CRY1: variants seen among roughly 807,000 people sequenced by gnomAD.
CRY1 encodes the protein cryptochrome-1.
CRY1 carries 45 observed loss-of-function variants against 76.0 expected under a neutral mutation model. The ratio of observed to expected loss-of-function variants is 0.59; its 90% confidence interval spans 0.47 to 0.76. CRY1 has a LOEUF of 0.76. Among genes scored for constraint, CRY1 ranks in the 30% least tolerant of loss-of-function variants. CRY1 has a pLI of 0.00. For synonymous variants in CRY1, 248 were observed against 244.0 expected, an observed-to-expected ratio of 1.02 and a Z score of -0.15; for missense variants, 587 against 716.4, an observed-to-expected ratio of 0.82 and a Z score of 2.06.
rs533658104 is a variant in CRY1 at position 107,002,577 on chromosome 12, C to A, written c.411-629G>T. Among the ~76,000 whole-genome samples the A allele has an allele frequency of 9.9e-5, 15 of 152,252 alleles. No individual in the cohort carries two copies. In the East Asian group the frequency reaches 2.5e-3, roughly 25 times the overall value. ...TTTGATTAAAATTCCAAATAAAATACAATTTTATTAACTAAAATCCTTACT... is the reference window on the plus strand; with the variant it reads ...TTTGATTAAAATTCCAAATAAAATAAAATTTTATTAACTAAAATCCTTACT... On this transcript the variant is annotated intron_variant, in intron 3 of 12. Transcript: ENST00000008527.
intron 10 of CRY1, among the ~76,000 whole-genome samples, chr12:106,994,458 A>T (rs555949972): frequency 1.3e-5 from 2 of 151,772 alleles, no homozygotes; most frequent in South Asian, 4.2e-4. Flanking sequence ...TTCCCTCCAC[A>T]CCCCCATTTA....
In CRY1 at chr12:106,997,905, C is replaced by T; in HGVS notation, c.1289+10G>A. On this transcript the variant is annotated intron_variant, in intron 8 of 12. Coordinates refer to ENST00000008527, the MANE Select transcript of CRY1 (RefSeq NM_004075.5). ...TATTCCAAACTGAGTAGTAATCACC[C>T]TTGATTTACCTGATATAGTCTCCAT... The T allele has an allele frequency of 6.2e-7, 1 of 1,612,126 alleles. No individual in the cohort carries two copies. The highest frequency in any genetic ancestry group is 8.5e-7 in the Non-Finnish European group (1 of 1,179,320).
chr12:107,028,171 GA>G (rs1230759732), intron 1 of CRY1, among the ~76,000 whole-genome samples: 3 of 151,174 alleles, frequency 2.0e-5, no homozygotes, highest in Non-Finnish European at 3.0e-5. Flanking sequence ...CCATCATAAA[GA>G]AAAAAAATGG....
intron 1 of CRY1, among the ~76,000 whole-genome samples, chr12:107,030,144 T>C (rs1353916923): frequency 6.6e-6 from 1 of 152,082 alleles, no homozygotes; most frequent in East Asian, 1.9e-4. Flanking sequence ...CTAAATAAAT[T>C]AATGAAAGCA....
chr12:107,059,742 CA>C lies in CRY1; in HGVS notation c.158+33061del. 2.0e-5 allele frequency among the ~76,000 whole-genome samples: 3 copies of C among 152,140 alleles called. No homozygotes were observed. In the South Asian group the frequency reaches 6.2e-4, roughly 32 times the overall value. ...ACAGTGACAGAACTCAGAATTATAC[CA>C]AACAACTGAACACTGGGTTGAAAAC... is the stretch of plus-strand genomic sequence containing the variant. On this transcript the variant is annotated intron_variant, in intron 1 of 12. Coordinates refer to ENST00000008527, the MANE Select transcript of CRY1 (RefSeq NM_004075.5).
At chr12:107,060,779 C>A (rs1276297759) in intron 1 of CRY1, among the ~76,000 whole-genome samples, 1 of 152,068 alleles carries the variant, frequency 6.6e-6, no homozygotes, top group Non-Finnish European at 1.5e-5. Flanking sequence ...GAGATGGATA[C>A]CATCCTGGCT....
At chr12:107,056,467 G>A (rs956115593) in intron 1 of CRY1, among the ~76,000 whole-genome samples, 2 of 152,182 alleles carry the variant, frequency 1.3e-5, no homozygotes, top group Non-Finnish European at 2.9e-5. Context: ...AAATTCTAGA[G>A]CAAGCTTGCC....
rs758751181 is a variant in CRY1 at position 107,000,013 on chromosome 12, T to C, written c.754A>G (p.Ser252Gly). Residue 252 changes from serine to glycine, a missense_variant, in exon 6 of 13, where the codon AGT becomes GGT. Coordinates refer to ENST00000008527, the MANE Select transcript of CRY1 (RefSeq NM_004075.5). ...AAACAACCAAATCGGAGATAAGGACTAAGTCCAGTAGGGCTTGCAAGCAGA... is the reference window on the plus strand; with the variant it reads ...AAACAACCAAATCGGAGATAAGGACCAAGTCCAGTAGGGCTTGCAAGCAGA... ...NSLLASPTGLSPYLRFGCLSC... is the reference protein window; with the variant it reads ...NSLLASPTGLGPYLRFGCLSC... The C allele has an allele frequency of 3.1e-6, 5 of 1,613,200 alleles. No individual in the cohort carries two copies. Among genetic ancestry groups the C allele is most frequent in the Non-Finnish European group, 4.2e-6 (5 of 1,179,902 alleles).
chr12:107,069,536 A>ATT (rs1190113582), intron 1 of CRY1, among the ~76,000 whole-genome samples: 1 of 142,546 alleles, frequency 7.0e-6, no homozygotes, highest in Non-Finnish European at 1.5e-5. Context: ...TTATATATAT[A>ATT]TTATATATAT....
intron 1 of CRY1, among the ~76,000 whole-genome samples, chr12:107,053,538 G>A (rs545505016): frequency 6.6e-6 from 1 of 152,212 alleles, no homozygotes; most frequent in Admixed American, 6.5e-5. Context: ...GGCTGATCTC[G>A]AACTTCCAAC....
At chr12:106,992,914 T>A (rs770305355) in intron 11 of CRY1, 24 bp from the exon 12 acceptor site, 1 of 1,613,878 alleles carries the variant, frequency 6.2e-7, no homozygotes, top group African/African-American at 1.3e-5. Context: ...AAATGTATGT[T>A]TAAGATAGGA....
chr12:107,036,619 T>C (rs1952735574), intron 1 of CRY1, among the ~76,000 whole-genome samples: 1 of 151,822 alleles, frequency 6.6e-6, no homozygotes, highest in Non-Finnish European at 1.5e-5. Context: ...AAAATGGCTT[T>C]CTAGGTCCTA....
chr12:107,002,468 T>C (rs1952323113), intron 3 of CRY1, among the ~76,000 whole-genome samples: 1 of 152,224 alleles, frequency 6.6e-6, no homozygotes, highest in South Asian at 2.1e-4. Context: ...AGTAAAATGG[T>C]TACTATAGTG....
chr12:106,997,434 C>T (rs755106468), intron 9 of CRY1, 48 bp from the exon 10 acceptor site: 3 of 1,611,740 alleles, frequency 1.9e-6, no homozygotes, highest in Non-Finnish European at 2.5e-6. Context: ...AGATAAAATT[C>T]AAAGATAAGT....
intron 2 of CRY1, among the ~76,000 whole-genome samples, chr12:107,012,171 C>A (rs1232671897): frequency 2.0e-5 from 3 of 152,170 alleles, no homozygotes; most frequent in African/African-American, 7.2e-5. Context: ...GCGTGGGTGA[C>A]AGAGGAAGAC....
At chr12:107,088,459 T>A (rs1953429576) in intron 1 of CRY1, among the ~76,000 whole-genome samples, 1 of 152,106 alleles carries the variant, frequency 6.6e-6, no homozygotes, top group Non-Finnish European at 1.5e-5. Flanking sequence ...CACCCTCAGG[T>A]ATCCCTTTAT....
chr12:106,997,885 C>A (rs761974176), intron 8 of CRY1, 30 bp downstream of exon 8: 2 of 1,604,150 alleles, frequency 1.2e-6, no homozygotes, highest in East Asian at 4.5e-5. Flanking sequence ...TTAACTATTC[C>A]AAACTGAGTA....
chr12:107,038,178 C>G (rs936743450), intron 1 of CRY1, among the ~76,000 whole-genome samples: 5 of 152,096 alleles, frequency 3.3e-5, no homozygotes, highest in Admixed American at 1.3e-4. Flanking sequence ...GAGTGGGGAT[C>G]TGAATAGAAA....
intron 1 of CRY1, among the ~76,000 whole-genome samples, chr12:107,078,053 A>G (rs1593542187): frequency 6.6e-6 from 1 of 152,240 alleles, no homozygotes; most frequent in Non-Finnish European, 1.5e-5. Context: ...TAAGATGTTA[A>G]AACTGATTCA....
Sources: gnomAD v4.1 joint callset for allele counts (sites outside exome capture counted in the v4.1 genomes callset) on GRCh38, gnomAD v4.1.1 for gene constraint, MANE v1.5 for transcripts, NCBI Gene and HGNC (gene_info 2026-07-23, HGNC 2026-07-21) for gene names.